KAZN: variants seen among roughly 807,000 people sequenced by gnomAD.
KAZN encodes kazrin, periplakin interacting protein, also known as kazrin.
KAZN carries 40 observed loss-of-function variants against 87.4 expected under a neutral mutation model. The observed-to-expected ratio is 0.46, with a 90% CI of 0.36 to 0.60. The LOEUF is 0.60. KAZN is among the 20% of genes least tolerant of loss of function. The probability of loss-of-function intolerance (pLI) is 0.00; values close to 1 mark genes in which losing one functional copy is unlikely to be tolerated. For synonymous variants in KAZN, 466 were observed against 458.3 expected, an observed-to-expected ratio of 1.02 and a Z score of -0.22; for missense variants, 898 against 1,073.9, an observed-to-expected ratio of 0.84 and a Z score of 2.29.
intron 1 of KAZN, among the ~76,000 whole-genome samples, chr1:13,968,810 T>G (rs987232458): frequency 8.9e-5 from 11 of 123,494 alleles, no homozygotes; most frequent in Non-Finnish European, 1.8e-4. Context: ...GAACATCTAC[T>G]CTACATTCTG....
intron 2 of KAZN, among the ~76,000 whole-genome samples, chr1:14,350,500 A>G (rs1435068313): frequency 2.6e-5 from 4 of 152,204 alleles, no homozygotes; most frequent in Non-Finnish European, 5.9e-5. Flanking sequence ...GCCTGGGAAC[A>G]TGTGGCAACG....
At chr1:14,747,477 A>G (rs1644294431) in intron 1 of KAZN, among the ~76,000 whole-genome samples, 3 of 152,152 alleles carry the variant, frequency 2.0e-5, no homozygotes. Flanking sequence ...GGGTTTCACC[A>G]TGTTGGCCAG....
At chr1:14,973,185 G>A (rs543994721) in intron 2 of KAZN, among the ~76,000 whole-genome samples, 104 of 152,232 alleles carry the variant, frequency 6.8e-4, no homozygotes, top group African/African-American at 2.0e-3. Context: ...AATAGACATC[G>A]TTTTAATGTT....
intron 1 of KAZN, among the ~76,000 whole-genome samples, chr1:14,053,097 G>A (rs528169149): frequency 6.6e-6 from 1 of 152,180 alleles, no homozygotes; most frequent in Non-Finnish European, 1.5e-5. Context: ...TTACATGGCA[G>A]TGGTCACGGG....
At chr1:14,374,124 C>T (rs1660717143) in intron 2 of KAZN, among the ~76,000 whole-genome samples, 1 of 152,190 alleles carries the variant, frequency 6.6e-6, no homozygotes, top group Admixed American at 6.5e-5. Flanking sequence ...ACTTCTCAGA[C>T]CAAACCCTGT....
At chr1:14,643,592 A>G (rs1181540052) in intron 1 of KAZN, among the ~76,000 whole-genome samples, 1 of 152,052 alleles carries the variant, frequency 6.6e-6, no homozygotes, top group East Asian at 1.9e-4. Context: ...GTTTGATTCC[A>G]TGTCTTTTGC....
At chr1:15,010,418 T>G (rs933008348) in intron 2 of KAZN, among the ~76,000 whole-genome samples, 26 of 136,568 alleles carry the variant, frequency 1.9e-4, no homozygotes, top group African/African-American at 6.7e-4. Flanking sequence ...TGAGACGGAG[T>G]CTCGCTCTGC....
chr1:13,983,870 C>G (rs1638878493), intron 1 of KAZN, among the ~76,000 whole-genome samples: 1 of 152,114 alleles, frequency 6.6e-6, no homozygotes, highest in Admixed American at 6.5e-5. Flanking sequence ...AAAACCTAAA[C>G]TGGTGTGTGG....
chr1:15,095,158 C>T (rs1017077620), intron 10 of KAZN, among the ~76,000 whole-genome samples: 2 of 152,106 alleles, frequency 1.3e-5, no homozygotes, highest in African/African-American at 4.8e-5. Context: ...ATGGGGAAGA[C>T]AAGAGGCCCC....
At chr1:15,032,010 C>T (rs1671760385) in intron 2 of KAZN, among the ~76,000 whole-genome samples, 1 of 152,022 alleles carries the variant, frequency 6.6e-6, no homozygotes, top group South Asian at 2.1e-4. Context: ...AGTATGTTCA[C>T]AGAGTTATGT....
intron 1 of KAZN, among the ~76,000 whole-genome samples, chr1:14,941,084 T>A (rs1383444209): frequency 6.6e-6 from 1 of 151,976 alleles, no homozygotes; most frequent in African/African-American, 2.4e-5. Flanking sequence ...CCCAGCTAAA[T>A]TTTTGTATCT....
At chr1:14,895,168 CT>C (rs1434064811) in intron 1 of KAZN, among the ~76,000 whole-genome samples, 2 of 152,226 alleles carry the variant, frequency 1.3e-5, no homozygotes, top group Admixed American at 1.3e-4. Flanking sequence ...TCATTTATGC[CT>C]TTTTCCCCCA....
At chr1:14,000,908 A>G (rs991231384) in intron 1 of KAZN, among the ~76,000 whole-genome samples, 2 of 151,070 alleles carry the variant, frequency 1.3e-5, no homozygotes, top group Non-Finnish European at 3.0e-5. Context: ...TCAGCCTCCC[A>G]AGTAGCTGGG....
At chr1:14,573,107 C>T (rs2148548282) in intron 2 of KAZN, among the ~76,000 whole-genome samples, 1 of 152,096 alleles carries the variant, frequency 6.6e-6, no homozygotes, top group South Asian at 2.1e-4. Context: ...AGAAGCAATA[C>T]ACTTCTGATT....
At chr1:14,114,821 C>A (rs1057365933) in intron 1 of KAZN, among the ~76,000 whole-genome samples, 53 of 152,178 alleles carry the variant, frequency 3.5e-4, no homozygotes, top group African/African-American at 1.3e-3. Flanking sequence ...CTAACTCCAT[C>A]CCCACAATGA....
intron 2 of KAZN, among the ~76,000 whole-genome samples, chr1:14,283,629 G>A (rs918441832): frequency 2.0e-5 from 3 of 152,260 alleles, no homozygotes; most frequent in Middle Eastern, 3.4e-3. Flanking sequence ...ACCCTTATAC[G>A]TTGCTGGTGG....
chr1:15,010,337 G>C (rs899357848), intron 2 of KAZN, among the ~76,000 whole-genome samples: 1 of 151,004 alleles, frequency 6.6e-6, no homozygotes, highest in Non-Finnish European at 1.5e-5. Context: ...TCCTTCAAAG[G>C]AGATGTTGGG....
chr1:13,972,529 G>T (rs1021062435), intron 1 of KAZN, among the ~76,000 whole-genome samples: 6 of 152,142 alleles, frequency 3.9e-5, no homozygotes, highest in African/African-American at 1.4e-4. Flanking sequence ...AGAGCTCTAT[G>T]ATCCATGATT....
At chr1:15,111,247 T>G (rs1641603054) in intron 13 of KAZN, among the ~76,000 whole-genome samples, 1 of 124,936 alleles carries the variant, frequency 8.0e-6, no homozygotes, top group Non-Finnish European at 1.7e-5. Context: ...GCTTAAAAGA[T>G]GCTAGAAGGT....
Sources: allele counts gnomAD v4.1 joint callset (sites outside exome capture counted in the v4.1 genomes callset), GRCh38; gene constraint gnomAD v4.1.1; transcripts MANE v1.5; gene names NCBI Gene and HGNC (gene_info 2026-07-23, HGNC 2026-07-21).